VCL: variants seen among roughly 807,000 people sequenced by gnomAD.
The protein encoded by VCL is epididymis luminal protein 114.
A neutral mutation model predicts 125.7 loss-of-function variants in VCL; 47 were observed. The ratio of observed to expected loss-of-function variants is 0.37; its 90% CI spans 0.30 to 0.48. The LOEUF (loss-of-function observed/expected upper bound fraction) is 0.48, where lower values mean the gene tolerates loss of function less well. Ranked by LOEUF, VCL falls within the 20% of genes least tolerant of loss-of-function variation. The pLI, the probability that VCL is intolerant of heterozygous loss-of-function variation, is 0.99. For missense variants in VCL, 1,069 were observed against 1,455.5 expected, an observed-to-expected ratio of 0.73 and a Z score of 4.32; for synonymous variants, 458 against 514.6, an observed-to-expected ratio of 0.89 and a Z score of 1.49.
At position 74,117,971 on chromosome 10, in the gene VCL, A is replaced by G. The variant is rs1591722802; in HGVS notation, c.3259-52A>G. On this transcript the variant is annotated intron_variant, in intron 21 of 21. Transcript: ENST00000211998. Reference sequence around the variant, plus strand: ...CTCCTGGCTGAAACCTATTTTAGAGACAGGCCTGCATCAGGGACCCTGGGT... The same window carrying G: ...CTCCTGGCTGAAACCTATTTTAGAGGCAGGCCTGCATCAGGGACCCTGGGT... 1.2e-5 allele frequency: 19 copies of G among 1,612,132 alleles called. No individual in the cohort carries two copies. The East Asian group carries it at 4.2e-4, about 36-fold the overall frequency.
chr10:74,111,577 A>T lies in VCL; in HGVS notation c.2746-332A>T, dbSNP rs147881139. 3.6e-3 allele frequency among the ~76,000 whole-genome samples: 552 copies of T among 152,332 alleles called. 2 individuals are homozygous for T. The highest frequency in any genetic ancestry group is 0.014 in the Middle Eastern group (4 of 294). ...GGCTCCTCAGAAATATTCTCATGTG[A>T]GAATCACTCTTGTCAAGTTTGACTT... On this transcript the variant is annotated intron_variant, in intron 18 of 21. Transcript: ENST00000211998.
chr10:74,026,213 T>A (rs932159670), intron 1 of VCL, among the ~76,000 whole-genome samples: 1 of 152,250 alleles, frequency 6.6e-6, no homozygotes, highest in African/African-American at 2.4e-5. Flanking sequence ...TTGGCATAGC[T>A]GCTGGCATTC....
intron 6 of VCL, among the ~76,000 whole-genome samples, chr10:74,081,891 T>C (rs1466454710): frequency 2.0e-5 from 3 of 152,230 alleles, no homozygotes; most frequent in African/African-American, 7.2e-5. Flanking sequence ...GGTTTATTTG[T>C]AGAATTAAAA....
chr10:74,089,443 A>C, intron 9 of VCL, 94 bp downstream of exon 9: 5 of 1,565,414 alleles, frequency 3.2e-6, no homozygotes, highest in Non-Finnish European at 4.3e-6. Flanking sequence ...CTTATCATTT[A>C]CTGTGGTTGG....
chr10:74,009,527 G>A (rs550309065), intron 1 of VCL, among the ~76,000 whole-genome samples: 2 of 152,162 alleles, frequency 1.3e-5, no homozygotes, highest in East Asian at 1.9e-4. Context: ...CCAAAGTGCT[G>A]GGATTACAGG....
At position 74,118,317 on chromosome 10, in the gene VCL, A is replaced by G. The variant is rs528724911; in HGVS notation, c.*148A>G. The G allele has an allele frequency of 5.7e-4, 524 of 927,288 alleles. 2 individuals carry two copies. The African/African-American group carries it at 7.4e-3, about 13-fold the overall frequency. 57.4% of individuals were successfully genotyped at this position (927,288 alleles called of 1,614,324 possible). On this transcript the variant is annotated 3_prime_UTR_variant, in exon 22 of 22. Coordinates refer to ENST00000211998, the MANE Select transcript of VCL (RefSeq NM_014000.3). The stretch of plus-strand genomic sequence containing the variant: ...AAAGGAATGGGGGCCTCTTCAAATT[A>G]GAAGACATTTATACTCTTTTTTCAT...
chr10:74,085,718 A>G (rs983976847), intron 8 of VCL, among the ~76,000 whole-genome samples: 2 of 152,184 alleles, frequency 1.3e-5, no homozygotes, highest in Non-Finnish European at 2.9e-5. Context: ...ACACTCATGA[A>G]ACATCATGAG....
At chr10:74,003,893 A>AT (rs1240581551) in intron 1 of VCL, among the ~76,000 whole-genome samples, 1 of 151,736 alleles carries the variant, frequency 6.6e-6, no homozygotes, top group Non-Finnish European at 1.5e-5. Flanking sequence ...CTAATTTAAA[A>AT]TTTTTTTTAT....
At chr10:74,047,607 A>T (rs3829127) in intron 2 of VCL, among the ~76,000 whole-genome samples, 23,278 of 152,116 alleles carry the variant, frequency 0.15, 1,874 homozygotes, top group East Asian at 0.22. Flanking sequence ...ATATTTAAAC[A>T]TTTATTGTTA....
chr10:74,072,912 T>C, intron 5 of VCL, 60 bp downstream of exon 5: 1 of 1,610,084 alleles, frequency 6.2e-7, no homozygotes, highest in South Asian at 1.1e-5. Context: ...TTCTAAACTC[T>C]GAGGTTCATT....
rs2228373 is a variant in VCL at position 74,094,424 on chromosome 10, G to A, written c.1506G>A (p.Arg502=). 23,922 of 1,614,038 alleles carry A rather than the reference G, an allele frequency of 0.015. 1,801 individuals carry two copies. In the African/African-American group the frequency reaches 0.21, roughly 14 times the overall value. ...AGGGCAAGATTGAGCAAGCACAGCG[G>A]TGGATTGATAATCCCACAGTGGATG... ...HLEGKIEQAQ[R]WIDNPTVDDR... Residue 502 remains arginine, a synonymous_variant, in exon 11 of 22, where the codon CGG becomes CGA. Transcript: ENST00000211998.
intron 21 of VCL, among the ~76,000 whole-genome samples, chr10:74,116,923 T>C (rs1840318983): frequency 6.6e-6 from 1 of 152,142 alleles, no homozygotes; most frequent in Non-Finnish European, 1.5e-5. Context: ...GCATTTTTTC[T>C]GGGGGAGAAT....
At chr10:74,106,246 C>T (rs938016514) in intron 16 of VCL, among the ~76,000 whole-genome samples, 3 of 152,178 alleles carry the variant, frequency 2.0e-5, no homozygotes, top group South Asian at 2.1e-4. Flanking sequence ...AATAGCTCCT[C>T]GCCTTGTTCA....
At chr10:74,017,766 A>G (rs139389647) in intron 1 of VCL, among the ~76,000 whole-genome samples, 16 of 152,050 alleles carry the variant, frequency 1.1e-4, no homozygotes, top group African/African-American at 2.9e-4. Flanking sequence ...CAATTTTATT[A>G]TACTTAAAAT....
intron 2 of VCL, among the ~76,000 whole-genome samples, chr10:74,051,960 G>A (rs1841307481): frequency 6.6e-6 from 1 of 152,178 alleles, no homozygotes; most frequent in South Asian, 2.1e-4. Flanking sequence ...GAGGCAGCGT[G>A]CCCAGAGTAG....
Position 74,089,299 on chromosome 10 carries a change from G to A in VCL, c.1126G>A (p.Ala376Thr). Residue 376 changes from alanine (A) to threonine (T), a missense_variant, in exon 9 of 22, where the codon GCC (alanine) becomes ACC (threonine). By Grantham distance (58) the Ala-to-Thr change is moderately conservative. Around this residue, in one of 6 missense-constraint regions of VCL, gnomAD observed 760 missense variants for 928.9 expected, o/e 0.82. Transcript: ENST00000211998. The part of the protein sequence containing the change: ...KVENAARKLE[A>T]MTNSKQSIAK... ...GGAAAATGCAGCTCGCAAGCTGGAA[G>A]CCATGACCAACTCAAAGCAGAGCAT... 2 of 1,614,174 alleles carry A rather than the reference G, an allele frequency of 1.2e-6. No homozygotes were observed. Among genetic ancestry groups the A allele is most frequent in the Non-Finnish European group, 8.5e-7 (1 of 1,180,038 alleles).
intron 12 of VCL, among the ~76,000 whole-genome samples, chr10:74,096,325 C>T (rs1839968804): frequency 6.6e-6 from 1 of 151,694 alleles, no homozygotes; most frequent in African/African-American, 2.4e-5. Flanking sequence ...TGCACTCCAG[C>T]CTGGGTGACA....
chr10:74,057,681 C>G (rs1167065795), intron 2 of VCL, among the ~76,000 whole-genome samples: 1 of 152,156 alleles, frequency 6.6e-6, no homozygotes, highest in Non-Finnish European at 1.5e-5. Context: ...GTTGTAATCC[C>G]AGCACTTTGG....
At chr10:74,030,428 TG>T (rs1840854434) in intron 1 of VCL, among the ~76,000 whole-genome samples, 1 of 152,230 alleles carries the variant, frequency 6.6e-6, no homozygotes, top group Non-Finnish European at 1.5e-5. Flanking sequence ...CTGACATAAA[TG>T]CTTCTCAATC....
Sources: gnomAD v4.1 joint callset for allele counts (sites outside exome capture counted in the v4.1 genomes callset) on GRCh38, gnomAD v4.1.1 for gene constraint, gnomAD v4.1.1 regional missense constraint, MANE v1.5 for transcripts, NCBI Gene and HGNC (gene_info 2026-07-23, HGNC 2026-07-21) for gene names.